Variants in TBL1X observed in about 807,000 individuals in gnomAD.
The protein encoded by TBL1X is transducin beta like 1 X-linked, also known as F-box-like/WD repeat-containing protein TBL1X.
TBL1X carries 10 observed loss-of-function variants against 50.7 expected under a neutral mutation model. The ratio of observed to expected loss-of-function variants is 0.20; its 90% confidence interval spans 0.12 to 0.33. The LOEUF (loss-of-function observed/expected upper bound fraction) is 0.33. TBL1X is among the 10% of genes least tolerant of loss of function. The pLI is 1.00. For missense variants in TBL1X, 340 were observed against 504.4 expected, an observed-to-expected ratio of 0.67 and a Z score of 3.12; for synonymous variants, 190 against 214.7, an observed-to-expected ratio of 0.88 and a Z score of 1.01.
chrX:9,625,378 A>G (rs2082687127), intron 2 of TBL1X, among the ~76,000 whole-genome samples: 1 of 112,087 alleles, frequency 8.9e-6, no homozygotes, highest in African/African-American at 3.2e-5. Context: ...GTGTAACTAT[A>G]AAGCATTGTG....
chrX:9,543,682 G>GT (rs1420438067), intron 2 of TBL1X, among the ~76,000 whole-genome samples: 1 of 112,304 alleles, frequency 8.9e-6, no homozygotes, highest in East Asian at 2.8e-4. Flanking sequence ...GTTGACAGTT[G>GT]TTTTTAAATT....
intron 2 of TBL1X, among the ~76,000 whole-genome samples, chrX:9,607,867 G>T (rs1205472354): frequency 9.1e-6 from 1 of 109,868 alleles, no homozygotes; most frequent in Non-Finnish European, 1.9e-5. Flanking sequence ...AGGCTGGAGT[G>T]CAGTGGTGTG....
intron 2 of TBL1X, among the ~76,000 whole-genome samples, chrX:9,526,624 A>AT: frequency 9.0e-6 from 1 of 111,557 alleles, no homozygotes; most frequent in South Asian, 3.7e-4. Context: ...GGATTTTAGG[A>AT]TTTTGGGGCC....
chrX:9,637,205 T>G (rs1410611974), intron 2 of TBL1X: 1 of 112,062 alleles, frequency 8.9e-6, no homozygotes, highest in Non-Finnish European at 1.9e-5. Flanking sequence ...CAGACCATTC[T>G]GTGTCCTTTT....
At chrX:9,656,195 A>G (rs1445736846) in intron 5 of TBL1X, among the ~76,000 whole-genome samples, 1 of 112,394 alleles carries the variant, frequency 8.9e-6, no homozygotes, top group African/African-American at 3.2e-5. Flanking sequence ...CTCAGAGCCC[A>G]TAGCTTTCCA....
In TBL1X at chrX:9,686,969, A is replaced by G. The variant is rs774833380; in HGVS notation, c.358-1048A>G. Reference sequence around the variant, plus strand: ...ATTTTGAATATTGTCTTGTAATCAGAAATCATCTGGAGTGATGTTTCATTT... The same window carrying G: ...ATTTTGAATATTGTCTTGTAATCAGGAATCATCTGGAGTGATGTTTCATTT... On this transcript the variant is annotated intron_variant, in intron 6 of 17. Transcript: ENST00000645353. Among the ~76,000 whole-genome samples the G allele has an allele frequency of 2.7e-5, 3 of 112,498 alleles. No homozygotes were observed. In the East Asian group the frequency reaches 8.3e-4, roughly 31 times the overall value.
intron 2 of TBL1X, among the ~76,000 whole-genome samples, chrX:9,515,029 G>C: frequency 1.8e-5 from 2 of 111,016 alleles, no homozygotes; most frequent in Non-Finnish European, 3.8e-5. Context: ...TGTGTGTACC[G>C]CTCATGTGTG....
intron 2 of TBL1X, among the ~76,000 whole-genome samples, chrX:9,507,522 TA>T: frequency 8.9e-6 from 1 of 112,324 alleles, no homozygotes; most frequent in Middle Eastern, 4.7e-3. Flanking sequence ...TTGCCCAAAG[TA>T]CTTTATACAT....
chrX:9,506,294 C>T (rs772416949), intron 2 of TBL1X, among the ~76,000 whole-genome samples: 9 of 111,386 alleles, frequency 8.1e-5, no homozygotes, highest in Admixed American at 4.8e-4. Flanking sequence ...TGGGACACAG[C>T]TAAAGCAGTG....
intron 5 of TBL1X, among the ~76,000 whole-genome samples, chrX:9,680,406 G>A (rs2083018789): frequency 8.9e-6 from 1 of 111,838 alleles, no homozygotes; most frequent in Non-Finnish European, 1.9e-5. Context: ...TGGGGGTCTG[G>A]CTGCTGTCCC....
At chrX:9,665,509 A>G (rs1201813481) in intron 5 of TBL1X, among the ~76,000 whole-genome samples, 9 of 38,094 alleles carry the variant, frequency 2.4e-4, no homozygotes, top group African/African-American at 7.3e-4. Flanking sequence ...ATATATATAT[A>G]TATATATATA....
At chrX:9,476,928 A>G (rs936656630) in intron 1 of TBL1X, among the ~76,000 whole-genome samples, 1 of 112,638 alleles carries the variant, frequency 8.9e-6, no homozygotes, top group Non-Finnish European at 1.9e-5. Flanking sequence ...TAATTATATT[A>G]GTGTACTCAA....
Position 9,693,223 on chromosome X carries a change from T to C in TBL1X, c.955+11T>C. On this transcript the variant is annotated intron_variant, in intron 10 of 17. Coordinates refer to ENST00000645353, the MANE Select transcript of TBL1X (RefSeq NM_005647.4). ...TATGGACGGAAGATGGTGAGTTCTG[T>C]GTCCCTCGTGCTGGGGTCGGGTAAG... is the stretch of plus-strand genomic sequence containing the variant. 1 of 1,211,571 alleles carries C rather than the reference T, an allele frequency of 8.3e-7. No homozygotes were observed. The highest frequency in any genetic ancestry group is 1.1e-6 in the Non-Finnish European group (1 of 895,366).
intron 11 of TBL1X, 107 bp from the exon 12 acceptor site, chrX:9,697,262 G>A (rs2083137117): frequency 5.8e-6 from 6 of 1,032,248 alleles, no homozygotes; most frequent in Non-Finnish European, 8.0e-6. Flanking sequence ...CTATTGGACA[G>A]TGCCGGTTTA....
chrX:9,491,339 T>TATATATATATATATA (rs1491249258), intron 1 of TBL1X, among the ~76,000 whole-genome samples: 2 of 19,221 alleles, frequency 1.0e-4, no homozygotes, highest in East Asian at 2.9e-3. Flanking sequence ...TATATATATA[T>TATATATATATATATA]TTTTTTTTTT....
intron 7 of TBL1X, 60 bp downstream of exon 7, chrX:9,688,335 G>A: frequency 9.9e-7 from 1 of 1,006,004 alleles, no homozygotes; most frequent in Non-Finnish European, 1.3e-6. Context: ...TTTCTTCTTG[G>A]GCAAATCCGA....
intron 5 of TBL1X, among the ~76,000 whole-genome samples, chrX:9,681,073 GTTA>G (rs1238513934): frequency 2.7e-5 from 3 of 112,130 alleles, no homozygotes; most frequent in Non-Finnish European, 5.6e-5. Flanking sequence ...GAGAGATAAA[GTTA>G]TACAGCCAAA....
intron 12 of TBL1X, among the ~76,000 whole-genome samples, chrX:9,701,587 A>G (rs2083173076): frequency 9.3e-6 from 1 of 107,643 alleles, no homozygotes; most frequent in African/African-American, 3.5e-5. Context: ...AAAAAAAAAA[A>G]AAAAAAAAAG....
intron 2 of TBL1X, among the ~76,000 whole-genome samples, chrX:9,523,228 G>T (rs769818083): frequency 8.9e-6 from 1 of 111,861 alleles, no homozygotes; most frequent in East Asian, 2.8e-4. Flanking sequence ...CTTTCACCCT[G>T]ATCACCGCAT....
Sources: gnomAD v4.1 joint callset for allele counts (sites outside exome capture counted in the v4.1 genomes callset) on GRCh38, gnomAD v4.1.1 for gene constraint, MANE v1.5 for transcripts, NCBI Gene and HGNC (gene_info 2026-07-23, HGNC 2026-07-21) for gene names.